The following KCNMA1 variants were observed in gnomAD, a reference collection of about 807,000 sequenced individuals.
KCNMA1 encodes Calcium-activated potassium channel subunit alpha-1.
KCNMA1 carries 29 observed loss-of-function variants against 140.0 expected under a neutral mutation model. That is an observed-to-expected ratio of 0.21 (90% confidence interval 0.15 to 0.28). KCNMA1 has a LOEUF of 0.28. KCNMA1 is among the 10% of genes least tolerant of loss of function. The probability of loss-of-function intolerance (pLI) is 1.00; values close to 1 mark genes in which losing one functional copy is unlikely to be tolerated. For missense variants in KCNMA1, 880 were observed against 1,602.2 expected (o/e 0.55, Z 7.70); for synonymous variants, 612 against 611.9 (o/e 1.00, Z 0.00).
At chr10:77,543,096 G>A (rs1334364208) in intron 1 of KCNMA1, among the ~76,000 whole-genome samples, 4 of 151,382 alleles carry the variant, frequency 2.6e-5, no homozygotes, top group African/African-American at 9.7e-5. Context: ...AGGTTCCAGG[G>A]CTCAACGCTT....
At chr10:77,321,917 A>C (rs1453491931) in intron 2 of KCNMA1, among the ~76,000 whole-genome samples, 6 of 152,224 alleles carry the variant, frequency 3.9e-5, no homozygotes, top group Non-Finnish European at 8.8e-5. Context: ...CTTCAGGATG[A>C]TACCAACTGC....
chr10:76,913,170 G>A (rs1275847639), intron 24 of KCNMA1: 1 of 152,192 alleles, frequency 6.6e-6, no homozygotes, highest in Non-Finnish European at 1.5e-5. Context: ...GTGAAGGCAG[G>A]TGCTCCCACC....
intron 2 of KCNMA1, among the ~76,000 whole-genome samples, chr10:77,385,496 G>A (rs907531440): frequency 6.6e-6 from 1 of 152,216 alleles, no homozygotes; most frequent in Admixed American, 6.5e-5. Context: ...CTGGCTCAGG[G>A]TCACACTAGT....
At chr10:77,545,899 C>G (rs1169046525) in intron 1 of KCNMA1, among the ~76,000 whole-genome samples, 3 of 152,124 alleles carry the variant, frequency 2.0e-5, no homozygotes, top group African/African-American at 7.2e-5. Flanking sequence ...GTCCCTAAAT[C>G]CCCCCTGCAG....
intron 1 of KCNMA1, among the ~76,000 whole-genome samples, chr10:77,443,823 G>A (rs1254595614): frequency 1.3e-5 from 2 of 152,120 alleles, no homozygotes; most frequent in African/African-American, 4.8e-5. Context: ...AATATCTTCT[G>A]CAGAAATAAG....
intron 1 of KCNMA1, among the ~76,000 whole-genome samples, chr10:77,605,973 C>T (rs1371825433): frequency 1.3e-5 from 2 of 152,196 alleles, no homozygotes; most frequent in Non-Finnish European, 2.9e-5. Context: ...TGCCACGCTA[C>T]CCTGCTTCTG....
At chr10:77,002,809 T>G (rs866290887) in intron 18 of KCNMA1, among the ~76,000 whole-genome samples, 3 of 152,214 alleles carry the variant, frequency 2.0e-5, no homozygotes, top group South Asian at 4.1e-4. Context: ...ACTGGCCTGC[T>G]TCTCTCACGA....
rs541800158 is a variant in KCNMA1, at chr10:77,633,034, G to A, written c.378+4231C>T. 1.1e-4 allele frequency among the ~76,000 whole-genome samples: 16 copies of A among 152,302 alleles called. No individual in the cohort carries two copies. The South Asian group carries it at 2.7e-3, about 26-fold the overall frequency. On this transcript the variant is annotated intron_variant, in intron 1 of 27. Transcript: ENST00000286628. Reference sequence around the variant, plus strand: ...TGTGCATTTCCATAAAGAGGGCCAGGGGCTGGACGCCGTGCCTCACGCCTG... The same window carrying A: ...TGTGCATTTCCATAAAGAGGGCCAGAGGCTGGACGCCGTGCCTCACGCCTG...
intron 1 of KCNMA1, among the ~76,000 whole-genome samples, chr10:77,582,145 T>A (rs2076060788): frequency 6.6e-6 from 1 of 152,180 alleles, no homozygotes; most frequent in Non-Finnish European, 1.5e-5. Flanking sequence ...AAAAGCAGAA[T>A]CTGTCCCCGA....
At chr10:77,053,488 C>T (rs886915593) in intron 14 of KCNMA1, among the ~76,000 whole-genome samples, 6 of 152,140 alleles carry the variant, frequency 3.9e-5, no homozygotes, top group Non-Finnish European at 1.5e-5. Context: ...AAACCAGTGT[C>T]ATTTAGGTTG....
At chr10:77,285,535 G>A (rs1565724752) in intron 2 of KCNMA1, among the ~76,000 whole-genome samples, 1 of 152,170 alleles carries the variant, frequency 6.6e-6, no homozygotes, top group Non-Finnish European at 1.5e-5. Context: ...CATAGGGATG[G>A]CATATGGGAC....
chr10:77,073,407 A>T (rs1405124280), intron 13 of KCNMA1, among the ~76,000 whole-genome samples, 155 bp from the exon 14 acceptor site: 1 of 152,106 alleles, frequency 6.6e-6, no homozygotes, highest in Non-Finnish European at 1.5e-5. Flanking sequence ...TGTTTTATGC[A>T]ACTCTTCTGC....
chr10:77,446,491 G>A (rs1199658285), intron 1 of KCNMA1, among the ~76,000 whole-genome samples: 4 of 152,220 alleles, frequency 2.6e-5, no homozygotes, highest in African/African-American at 9.6e-5. Context: ...ATGAATGAAA[G>A]GGCCCAGGGA....
chr10:77,361,451 G>T (rs146544494), intron 2 of KCNMA1, among the ~76,000 whole-genome samples: 1,728 of 152,346 alleles, frequency 0.011, 13 homozygotes, highest in South Asian at 0.037. Context: ...CTGGCCTGGG[G>T]TCTCATCATC....
rs60273422 is a variant in KCNMA1 at position 77,458,254 on chromosome 10, C to T, written c.379-54231G>A. Among the ~76,000 whole-genome samples the T allele has an allele frequency of 3.1e-4, 47 of 152,378 alleles. No homozygotes were observed. The East Asian group carries it at 8.5e-3, about 28-fold the overall frequency. ...TGCAGGAGGGCACCTTCCCTCCTCA[C>T]TGTGCTGGCTTCTTTTAACAAATAG... On this transcript the variant is annotated intron_variant, in intron 1 of 27. Coordinates refer to ENST00000286628, the MANE Select transcript of KCNMA1 (RefSeq NM_001161352.2).
At chr10:77,418,321 C>G (rs1470291146) in intron 1 of KCNMA1, among the ~76,000 whole-genome samples, 1 of 152,178 alleles carries the variant, frequency 6.6e-6, no homozygotes, top group Non-Finnish European at 1.5e-5. Context: ...TGGCCTGGGA[C>G]CCCTCCAACC....
At chr10:77,275,341 C>A (rs1325992485) in intron 2 of KCNMA1, among the ~76,000 whole-genome samples, 10 of 152,128 alleles carry the variant, frequency 6.6e-5, no homozygotes, top group Admixed American at 5.9e-4. Context: ...GAGGAGGAAG[C>A]CTTCTCAAAG....
chr10:77,440,458 C>T (rs560071100), intron 1 of KCNMA1, among the ~76,000 whole-genome samples: 31 of 152,194 alleles, frequency 2.0e-4, no homozygotes, highest in Non-Finnish European at 2.8e-4. Flanking sequence ...CACCACAAAA[C>T]GCTGCTTGCT....
chr10:77,016,604 G>A (rs1278144222), intron 17 of KCNMA1, among the ~76,000 whole-genome samples: 1 of 152,094 alleles, frequency 6.6e-6, no homozygotes, highest in African/African-American at 2.4e-5. Flanking sequence ...TTTTAAAATT[G>A]TGACTCAAAA....
Sources: allele counts gnomAD v4.1 joint callset (sites outside exome capture counted in the v4.1 genomes callset), GRCh38; gene constraint gnomAD v4.1.1; transcripts MANE v1.5; gene names NCBI Gene and HGNC (gene_info 2026-07-23, HGNC 2026-07-21).